SPATA31D3: variants seen among roughly 807,000 people sequenced by gnomAD.
SPATA31D3 encodes spermatogenesis-associated protein 31D3.
For synonymous variants in SPATA31D3, 27 were observed against 107.8 expected, an observed-to-expected ratio of 0.25 and a Z score of 4.65; for missense variants, 91 against 297.9, an observed-to-expected ratio of 0.31 and a Z score of 5.11.
Position 81,947,896 on chromosome 9 carries a change from C to G in SPATA31D3, c.2643C>G (p.His881Gln), listed in dbSNP as rs1488933081. Reference protein sequence around the residue: ...RNLAALVSEDHRVDTSQEMSF... With the variant: ...RNLAALVSEDQRVDTSQEMSF... ...TGGCAGCATTGGTGAGTGAGGACCA[C>G]CGCGTTGATACCTCCCAGGAGATGT... Residue 881 changes from histidine to glutamine, a missense_variant, in exon 4 of 4, where the codon CAC (histidine) becomes CAG (glutamine). Coordinates refer to ENST00000445385, the MANE Select transcript of SPATA31D3 (RefSeq NM_207416.3). The G allele has an allele frequency of 1.3e-5, 21 of 1,611,976 alleles. No homozygotes were observed. The highest frequency in any genetic ancestry group is 1.8e-5 in the Non-Finnish European group (21 of 1,179,486).
Position 81,949,289 on chromosome 9 carries a change from C to G in SPATA31D3, c.*1282C>G, listed in dbSNP as rs994496851. ...AGCCATGCTATTCATAACAAGACAT[C>G]AAGGGAGTCGCTTGGGAGCAAATCT... is the stretch of plus-strand genomic sequence containing the variant. On this transcript the variant is annotated 3_prime_UTR_variant, in exon 4 of 4. Coordinates refer to ENST00000445385, the MANE Select transcript of SPATA31D3 (RefSeq NM_207416.3). 4 of 372,218 alleles carry G rather than the reference C, an allele frequency of 1.1e-5. No homozygotes were observed. The highest frequency in any genetic ancestry group is 7.7e-5 in the Admixed American group (2 of 25,830). 23.1% of individuals were successfully genotyped at this position (372,218 alleles called of 1,614,324 possible).
At position 81,949,077 on chromosome 9, in the gene SPATA31D3, C is replaced by G; in HGVS notation, c.*1070C>G. 4 of 563,244 alleles carry G rather than the reference C, an allele frequency of 7.1e-6. No individual in the cohort carries two copies. In the South Asian group the frequency reaches 9.7e-5, roughly 14 times the overall value. 34.9% of individuals were successfully genotyped at this position (563,244 alleles called of 1,614,324 possible). On this transcript the variant is annotated 3_prime_UTR_variant, in exon 4 of 4. Transcript: ENST00000445385. ...TGGGAACTTCCCAGGTGCTGCATGT[C>G]CACTTGGAGGTCAGAGGAATCCGTG...
chr9:81,949,697 C>G lies in SPATA31D3; in HGVS notation c.*1690C>G. 7.2e-7 allele frequency: 1 copy of G among 1,388,418 alleles called. No individual in the cohort carries two copies. Among genetic ancestry groups the G allele is most frequent in the Non-Finnish European group, 1.0e-6 (1 of 980,476 alleles). The allele number at this position is 1,388,418 out of a possible 1,614,324, so 86.0% of individuals were successfully genotyped here. Reference sequence around the variant, plus strand: ...CAGGGCTATCCCTGCAACTACATGGCTCCCTCCTGCAAAGTGACATGTACC... The same window carrying G: ...CAGGGCTATCCCTGCAACTACATGGGTCCCTCCTGCAAAGTGACATGTACC... On this transcript the variant is annotated 3_prime_UTR_variant, in exon 4 of 4. Transcript: ENST00000445385.
At position 81,945,292 on chromosome 9, in the gene SPATA31D3, T is replaced by TA. The variant is rs1458176640; in HGVS notation, c.293+60_293+61insA. On this transcript the variant is annotated intron_variant, in intron 3 of 3. Transcript: ENST00000445385. ...CGCCTTCTTTTTTTTTTTTTTTTTT[T>TA]TTTTTTTTTTTTTTTTTTTTTTTTT... The TA allele has an allele frequency of 7.1e-5, 88 of 1,242,418 alleles. 2 individuals carry two copies. In the African/African-American group the frequency reaches 1.5e-3, roughly 21 times the overall value. 77.0% of individuals were successfully genotyped at this position (1,242,418 alleles called of 1,614,324 possible).
In SPATA31D3 at chr9:81,945,606, G is replaced by C; in HGVS notation, c.353G>C (p.Arg118Pro). ...LGQHHDTTLF[R>P]RLLCPDPVCR... is the part of the protein sequence containing the mutation. The stretch of plus-strand genomic sequence containing the variant: ...CAGCATCATGATACCACCCTCTTTC[G>C]TCGACTGTTATGCCCAGACCCTGTC... The change falls in exon 4 of 4, where the codon CGT becomes CCT. Residue 118 changes from arginine (R) to proline (P), a missense_variant. Transcript: ENST00000445385. 1 of 149,248 alleles carries C rather than the reference G, an allele frequency of 6.7e-6. No individual in the cohort carries two copies. Among genetic ancestry groups the C allele is most frequent in the Non-Finnish European group, 1.1e-5 (1 of 88,868 alleles). 9.2% of individuals were successfully genotyped at this position (149,248 alleles called of 1,614,324 possible). A position where few individuals can be genotyped will look rare whatever the true frequency, so the allele number is the denominator to read the frequency against.
chr9:81,949,958 T>G lies in SPATA31D3; in HGVS notation c.*1951T>G, dbSNP rs1824006738. Reference sequence around the variant, plus strand: ...CCTGACCAGTGCTAAAAACACTGTGTTCAGTGATGTGCCTTTACTAACTGG... The same window carrying G: ...CCTGACCAGTGCTAAAAACACTGTGGTCAGTGATGTGCCTTTACTAACTGG... On this transcript the variant is annotated 3_prime_UTR_variant, in exon 4 of 4. Transcript: ENST00000445385. The G allele has an allele frequency of 4.2e-6, 2 of 478,078 alleles. No homozygotes were observed. Among genetic ancestry groups the G allele is most frequent in the Non-Finnish European group, 7.6e-6 (2 of 261,968 alleles). The allele number at this position is 478,078 out of a possible 1,614,324, so 29.6% of individuals were successfully genotyped here. A position where few individuals can be genotyped will look rare whatever the true frequency, so the allele number is the denominator to read the frequency against.
Position 81,949,718 on chromosome 9 carries a change from G to T in SPATA31D3, c.*1711G>T. 1 of 1,408,126 alleles carries T rather than the reference G, an allele frequency of 7.1e-7. No homozygotes were observed. Among genetic ancestry groups the T allele is most frequent in the Non-Finnish European group, 1.0e-6 (1 of 997,790 alleles). 87.2% of individuals were successfully genotyped at this position (1,408,126 alleles called of 1,614,324 possible). A position where few individuals can be genotyped will look rare whatever the true frequency, so the allele number is the denominator to read the frequency against. On this transcript the variant is annotated 3_prime_UTR_variant, in exon 4 of 4. Coordinates refer to ENST00000445385, the MANE Select transcript of SPATA31D3 (RefSeq NM_207416.3). ...ATGGCTCCCTCCTGCAAAGTGACAT[G>T]TACCAAATCTTGCAGCCAACAAGCT...
Position 81,949,290 on chromosome 9 carries a change from A to C in SPATA31D3, c.*1283A>C. On this transcript the variant is annotated 3_prime_UTR_variant, in exon 4 of 4. Coordinates refer to ENST00000445385, the MANE Select transcript of SPATA31D3 (RefSeq NM_207416.3). The stretch of plus-strand genomic sequence containing the variant: ...GCCATGCTATTCATAACAAGACATC[A>C]AGGGAGTCGCTTGGGAGCAAATCTT... 1 of 372,318 alleles carries C rather than the reference A, an allele frequency of 2.7e-6. No homozygotes were observed. The highest frequency in any genetic ancestry group is 5.2e-6 in the Non-Finnish European group (1 of 191,970). 23.1% of individuals were successfully genotyped at this position (372,318 alleles called of 1,614,324 possible). A position where few individuals can be genotyped will look rare whatever the true frequency, so the allele number is the denominator to read the frequency against.
At position 81,949,308 on chromosome 9, in the gene SPATA31D3, C is replaced by T; in HGVS notation, c.*1301C>T. 1 of 366,984 alleles carries T rather than the reference C, an allele frequency of 2.7e-6. No homozygotes were observed. Among genetic ancestry groups the T allele is most frequent in the Non-Finnish European group, 5.3e-6 (1 of 188,674 alleles). The allele number at this position is 366,984 out of a possible 1,614,324, so 22.7% of individuals were successfully genotyped here. On this transcript the variant is annotated 3_prime_UTR_variant, in exon 4 of 4. Coordinates refer to ENST00000445385, the MANE Select transcript of SPATA31D3 (RefSeq NM_207416.3). ...AGACATCAAGGGAGTCGCTTGGGAG[C>T]AAATCTTCCCCAACCTTGAAAACAC...
In SPATA31D3 at chr9:81,949,372, AC is replaced by A. The variant is rs1353527121; in HGVS notation, c.*1367del. 5.7e-6 allele frequency: 2 copies of A among 353,328 alleles called. No individual in the cohort carries two copies. The highest frequency in any genetic ancestry group is 3.8e-5 in the South Asian group (1 of 26,542). 21.9% of individuals were successfully genotyped at this position (353,328 alleles called of 1,614,324 possible). A position where few individuals can be genotyped will look rare whatever the true frequency, so the allele number is the denominator to read the frequency against. On this transcript the variant is annotated 3_prime_UTR_variant, in exon 4 of 4. Coordinates refer to ENST00000445385, the MANE Select transcript of SPATA31D3 (RefSeq NM_207416.3). ...AAACCTTTTCGGAACATTGATGAAGACCTTTTTGCAGCAGTCTAATAAACCC... is the reference window on the plus strand; with the variant it reads ...AAACCTTTTCGGAACATTGATGAAGACTTTTTGCAGCAGTCTAATAAACCC...
In SPATA31D3 at chr9:81,949,676, GC is replaced by G. The variant is rs1425581088; in HGVS notation, c.*1670del. 4.9e-6 allele frequency: 6 copies of G among 1,214,734 alleles called. No homozygotes were observed. The highest frequency in any genetic ancestry group is 1.5e-5 in the African/African-American group (1 of 66,794). 75.2% of individuals were successfully genotyped at this position (1,214,734 alleles called of 1,614,324 possible). ...CAGGTCAGAGCAGAGCCTGTCCAGGGCTATCCCTGCAACTACATGGCTCCCT... is the reference window on the plus strand; with the variant it reads ...CAGGTCAGAGCAGAGCCTGTCCAGGGTATCCCTGCAACTACATGGCTCCCT... On this transcript the variant is annotated 3_prime_UTR_variant, in exon 4 of 4. Transcript: ENST00000445385.
chr9:81,949,644 A>G lies in SPATA31D3; in HGVS notation c.*1637A>G, dbSNP rs1587488315. The G allele has an allele frequency of 1.1e-6, 1 of 922,904 alleles. No individual in the cohort carries two copies. The allele number at this position is 922,904 out of a possible 1,614,324, so 57.2% of individuals were successfully genotyped here. ...AGCTTGGGAAATCTCAGAATGTGCC[A>G]GAACTGCAGGTCAGAGCAGAGCCTG... On this transcript the variant is annotated 3_prime_UTR_variant, in exon 4 of 4. Transcript: ENST00000445385.
In SPATA31D3 at chr9:81,949,715, C is replaced by T. The variant is rs1823993426; in HGVS notation, c.*1708C>T. 2.1e-6 allele frequency: 3 copies of T among 1,407,244 alleles called. No individual in the cohort carries two copies. The highest frequency in any genetic ancestry group is 1.4e-5 in the African/African-American group (1 of 70,580). The allele number at this position is 1,407,244 out of a possible 1,614,324, so 87.2% of individuals were successfully genotyped here. ...TACATGGCTCCCTCCTGCAAAGTGA[C>T]ATGTACCAAATCTTGCAGCCAACAA... On this transcript the variant is annotated 3_prime_UTR_variant, in exon 4 of 4. Transcript: ENST00000445385.
chr9:81,949,616 T>A lies in SPATA31D3; in HGVS notation c.*1609T>A. 1 of 747,252 alleles carries A rather than the reference T, an allele frequency of 1.3e-6. No individual in the cohort carries two copies. The highest frequency in any genetic ancestry group is 2.0e-5 in the Admixed American group (1 of 50,838). The allele number at this position is 747,252 out of a possible 1,614,324, so 46.3% of individuals were successfully genotyped here. On this transcript the variant is annotated 3_prime_UTR_variant, in exon 4 of 4. Coordinates refer to ENST00000445385, the MANE Select transcript of SPATA31D3 (RefSeq NM_207416.3). Reference sequence around the variant, plus strand: ...CCCCAGGAGCCCCTTTCCTCCCCAGTGCAGCTTGGGAAATCTCAGAATGTG... The same window carrying A: ...CCCCAGGAGCCCCTTTCCTCCCCAGAGCAGCTTGGGAAATCTCAGAATGTG...
At position 81,949,946 on chromosome 9, in the gene SPATA31D3, A is replaced by G. The variant is rs1027025604; in HGVS notation, c.*1939A>G. 28 of 537,906 alleles carry G rather than the reference A, an allele frequency of 5.2e-5. No individual in the cohort carries two copies. Among genetic ancestry groups the G allele is most frequent in the African/African-American group, 3.2e-4 (17 of 52,506 alleles). 33.3% of individuals were successfully genotyped at this position (537,906 alleles called of 1,614,324 possible). A position where few individuals can be genotyped will look rare whatever the true frequency, so the allele number is the denominator to read the frequency against. ...GCCTCCGGTCATCCTGACCAGTGCT[A>G]AAAACACTGTGTTCAGTGATGTGCC... On this transcript the variant is annotated 3_prime_UTR_variant, in exon 4 of 4. Transcript: ENST00000445385.
In SPATA31D3 at chr9:81,949,845, A is replaced by T; in HGVS notation, c.*1838A>T. On this transcript the variant is annotated 3_prime_UTR_variant, in exon 4 of 4. Transcript: ENST00000445385. ...ATTTAAGGGGAAGATATTGTGTCAAAGGCATCCCCAATCCATGCCCCACAG... is the reference window on the plus strand; with the variant it reads ...ATTTAAGGGGAAGATATTGTGTCAATGGCATCCCCAATCCATGCCCCACAG... The T allele has an allele frequency of 1.0e-6, 1 of 981,030 alleles. No individual in the cohort carries two copies. Among genetic ancestry groups the T allele is most frequent in the South Asian group, 1.5e-5 (1 of 68,016 alleles). The allele number at this position is 981,030 out of a possible 1,614,324, so 60.8% of individuals were successfully genotyped here.
In SPATA31D3 at chr9:81,949,881, C is replaced by G; in HGVS notation, c.*1874C>G. ...ATCCATGCCCCACAGGAAGCCTGTG[C>G]CACAGCCAAACCCCACTTGCAGTGT... On this transcript the variant is annotated 3_prime_UTR_variant, in exon 4 of 4. Coordinates refer to ENST00000445385, the MANE Select transcript of SPATA31D3 (RefSeq NM_207416.3). The G allele has an allele frequency of 1.3e-6, 1 of 775,190 alleles. No homozygotes were observed. The allele number at this position is 775,190 out of a possible 1,614,324, so 48.0% of individuals were successfully genotyped here. A position where few individuals can be genotyped will look rare whatever the true frequency, so the allele number is the denominator to read the frequency against.
rs993103737 is a variant in SPATA31D3, at chr9:81,949,738, C to G, written c.*1731C>G. The G allele has an allele frequency of 6.7e-5, 94 of 1,406,828 alleles. No homozygotes were observed. The Admixed American group carries it at 1.3e-3, about 19-fold the overall frequency. 87.1% of individuals were successfully genotyped at this position (1,406,828 alleles called of 1,614,324 possible). A position where few individuals can be genotyped will look rare whatever the true frequency, so the allele number is the denominator to read the frequency against. ...GACATGTACCAAATCTTGCAGCCAA[C>G]AAGCTATCTTTGTCGGCCAGAATTA... On this transcript the variant is annotated 3_prime_UTR_variant, in exon 4 of 4. Coordinates refer to ENST00000445385, the MANE Select transcript of SPATA31D3 (RefSeq NM_207416.3).
At position 81,945,782 on chromosome 9, in the gene SPATA31D3, A is replaced by C; in HGVS notation, c.529A>C (p.Thr177Pro). ...FTLASTPSAT[T>P]PEDLILSSRP... ...TCTGGCTTCCACCCCCTCAGCAACC[A>C]CTCCAGAAGACCTAATATTGTCCTC... The change falls in exon 4 of 4, where the codon ACT becomes CCT. Residue 177 changes from threonine to proline, a missense_variant. By Grantham distance (38) the Thr-to-Pro change is conservative. Transcript: ENST00000445385. The C allele has an allele frequency of 8.1e-5, 3 of 37,020 alleles. No homozygotes were observed. Among genetic ancestry groups the C allele is most frequent in the East Asian group, 2.5e-4 (1 of 4,072 alleles). 2.3% of individuals were successfully genotyped at this position (37,020 alleles called of 1,614,324 possible).
Sources: allele counts gnomAD v4.1 joint callset, GRCh38; gene constraint gnomAD v4.1.1; transcripts MANE v1.5; gene names NCBI Gene and HGNC (gene_info 2026-07-23, HGNC 2026-07-21).